Variants in ATP8A1 observed in about 807,000 individuals in gnomAD.
ATP8A1 encodes phospholipid-transporting ATPase IA.
In ATP8A1, 90 loss-of-function variants were observed where a neutral mutation model predicts 177.7. That is an observed-to-expected ratio of 0.51 (90% confidence interval 0.43 to 0.60). ATP8A1 has a LOEUF of 0.60. Among genes scored for constraint, ATP8A1 ranks in the 20% least tolerant of loss-of-function variants. ATP8A1 has a pLI of 0.00. For missense variants in ATP8A1, 1,072 were observed against 1,392.8 expected, an observed-to-expected ratio of 0.77 and a Z score of 3.67; for synonymous variants, 493 against 485.9, an observed-to-expected ratio of 1.01 and a Z score of -0.19.
At position 42,639,780 on chromosome 4, in the gene ATP8A1, T is replaced by C. The variant is rs1739777212; in HGVS notation, c.50-12671A>G. Among the ~76,000 whole-genome samples, 4 of 152,210 alleles carry C rather than the reference T, an allele frequency of 2.6e-5. No individual in the cohort carries two copies. The South Asian group carries it at 8.3e-4, about 32-fold the overall frequency. ...AAGATGAAGACAATTTAGTCATCGT[T>C]CAGTATGCATGGGGGATTGGTTCCA... On this transcript the variant is annotated intron_variant, in intron 1 of 36. Coordinates refer to ENST00000381668, the MANE Select transcript of ATP8A1 (RefSeq NM_006095.2).
At chr4:42,491,425 A>C (rs1256612702) in intron 24 of ATP8A1, among the ~76,000 whole-genome samples, 1 of 152,222 alleles carries the variant, frequency 6.6e-6, no homozygotes, top group African/African-American at 2.4e-5. Context: ...ATGTAACAGC[A>C]ATCTTTGAGA....
chr4:42,435,621 G>GCCCACCTCACTGAC (rs1471235809), intron 33 of ATP8A1, among the ~76,000 whole-genome samples: 2 of 152,104 alleles, frequency 1.3e-5, no homozygotes, highest in Non-Finnish European at 2.9e-5. Context: ...TCCGCCCTCT[G>GCCCACCTCACTGAC]CCCACCTCAC....
At chr4:42,466,031 C>CAAAAAAAAAAAA (rs57949092) in intron 25 of ATP8A1, among the ~76,000 whole-genome samples, 2 of 108,118 alleles carry the variant, frequency 1.8e-5, no homozygotes, top group Non-Finnish European at 3.5e-5. Flanking sequence ...GACTCCGTCT[C>CAAAAAAAAAAAA]AAAAAAAAAA....
rs1045589257 is a variant in ATP8A1 at position 42,575,612 on chromosome 4, T to C, written c.1206+10A>G. On this transcript the variant is annotated intron_variant, in intron 13 of 36. Transcript: ENST00000381668. ...AATTCCACACATAATCAACAATAAA[T>C]TGAGTTTACCTGGCCAAGTTCCTCA... 1.4e-5 allele frequency: 22 copies of C among 1,611,458 alleles called. No individual in the cohort carries two copies. Among genetic ancestry groups the C allele is most frequent in the Non-Finnish European group, 1.9e-5 (22 of 1,178,012 alleles).
chr4:42,552,392 A>T, intron 17 of ATP8A1, 113 bp downstream of exon 17: 1 of 818,812 alleles, frequency 1.2e-6, no homozygotes, highest in South Asian at 1.7e-5. Context: ...ATTGGTAAAT[A>T]AAAATTTTTA....
At chr4:42,473,843 G>T (rs1227427115) in intron 25 of ATP8A1, among the ~76,000 whole-genome samples, 1 of 143,310 alleles carries the variant, frequency 7.0e-6, no homozygotes, top group East Asian at 2.1e-4. Context: ...TTGTAGAGAT[G>T]GAGTCTCACT....
chr4:42,491,935 C>T (rs1041167850), intron 24 of ATP8A1, among the ~76,000 whole-genome samples: 2 of 152,132 alleles, frequency 1.3e-5, no homozygotes, highest in African/African-American at 2.4e-5. Flanking sequence ...CTCCATGACT[C>T]GTTAGCCAGG....
chr4:42,619,362 C>G (rs1737229103), intron 4 of ATP8A1, among the ~76,000 whole-genome samples: 1 of 152,004 alleles, frequency 6.6e-6, no homozygotes, highest in African/African-American at 2.4e-5. Flanking sequence ...TGGTAAATAT[C>G]AATTTAACAA....
At chr4:42,491,680 G>A (rs1722758539) in intron 24 of ATP8A1, among the ~76,000 whole-genome samples, 1 of 152,146 alleles carries the variant, frequency 6.6e-6, no homozygotes, top group East Asian at 1.9e-4. Flanking sequence ...AACTCTGCTT[G>A]GAACAAGCTA....
chr4:42,557,840 C>T (rs539058330), intron 15 of ATP8A1, among the ~76,000 whole-genome samples: 18 of 152,090 alleles, frequency 1.2e-4, no homozygotes, highest in South Asian at 2.1e-4. Context: ...GTCAGGAGTT[C>T]GAGACCAGCC....
In ATP8A1 at chr4:42,487,388, T is replaced by G. The variant is rs535274266; in HGVS notation, c.2152-1720A>C. Among the ~76,000 whole-genome samples, 2 of 152,250 alleles carry G rather than the reference T, an allele frequency of 1.3e-5. 1 individual carries two copies. Among genetic ancestry groups the G allele is most frequent in the South Asian group, 4.2e-4 (2 of 4,818 alleles). ...TTCCTATAACCTAATGGAGCCAATT[T>G]CCTATTTCACAAGAGCCCTACCGTG... On this transcript the variant is annotated intron_variant, in intron 24 of 36. Transcript: ENST00000381668.
chr4:42,451,540 T>C (rs994229043), intron 30 of ATP8A1, among the ~76,000 whole-genome samples: 6 of 152,274 alleles, frequency 3.9e-5, no homozygotes, highest in African/African-American at 1.4e-4. Flanking sequence ...CACTCCAAGA[T>C]GAACATAAAA....
intron 24 of ATP8A1, among the ~76,000 whole-genome samples, chr4:42,493,468 C>T (rs776125618): frequency 4.0e-4 from 61 of 152,178 alleles, no homozygotes; most frequent in Non-Finnish European, 6.6e-4. Context: ...TCTTGGGCAG[C>T]TACGTGAGCT....
intron 16 of ATP8A1, among the ~76,000 whole-genome samples, chr4:42,553,472 G>A (rs766876122): frequency 6.6e-6 from 1 of 152,160 alleles, no homozygotes; most frequent in East Asian, 1.9e-4. Flanking sequence ...AGCCTGAGAA[G>A]ACAGAAGGGT....
chr4:42,635,812 C>T (rs55806362), intron 1 of ATP8A1, among the ~76,000 whole-genome samples: 32,061 of 65,918 alleles, frequency 0.49, 6,062 homozygotes, highest in Middle Eastern at 0.55. Context: ...TATATATATA[C>T]ACATGTATGT....
chr4:42,590,783 G>C, intron 7 of ATP8A1, 28 bp downstream of exon 7: 1 of 1,602,992 alleles, frequency 6.2e-7, no homozygotes, highest in Non-Finnish European at 8.5e-7. Flanking sequence ...CCACATACAC[G>C]CATCCTATAC....
chr4:42,424,428 C>T (rs1174524034), intron 33 of ATP8A1, among the ~76,000 whole-genome samples: 2 of 152,020 alleles, frequency 1.3e-5, no homozygotes, highest in Non-Finnish European at 2.9e-5. Context: ...GGTTTCACTT[C>T]TTTTAATCTT....
intron 19 of ATP8A1, among the ~76,000 whole-genome samples, chr4:42,548,763 G>A (rs1329754361): frequency 3.9e-5 from 6 of 151,996 alleles, no homozygotes; most frequent in Admixed American, 3.3e-4. Flanking sequence ...ACCTCCATGA[G>A]ATCAACTTTC....
chr4:42,519,677 G>C (rs1725910777), intron 22 of ATP8A1, among the ~76,000 whole-genome samples: 1 of 152,164 alleles, frequency 6.6e-6, no homozygotes, highest in African/African-American at 2.4e-5. Context: ...TCCAGTTTCA[G>C]GAGTAGAGAT....
Sources: gnomAD v4.1 joint callset for allele counts (sites outside exome capture counted in the v4.1 genomes callset) on GRCh38, gnomAD v4.1.1 for gene constraint, MANE v1.5 for transcripts, NCBI Gene and HGNC (gene_info 2026-07-23, HGNC 2026-07-21) for gene names.